Variants in GALNT13 observed in about 807,000 individuals in gnomAD.
GALNT13 encodes the protein polypeptide N-acetylgalactosaminyltransferase 13, also known as UDP-GalNAc:polypeptide N-acetylgalactosaminyltransferase 13.
Under a neutral mutation model 64.2 loss-of-function variants are expected in GALNT13, and 28 were observed. That is an observed-to-expected ratio of 0.44 (90% CI 0.32 to 0.60). The LOEUF (loss-of-function observed/expected upper bound fraction) is 0.60. GALNT13 is among the 20% of genes least tolerant of loss of function. The pLI is 0.05. For synonymous variants in GALNT13, 214 were observed against 224.6 expected, an observed-to-expected ratio of 0.95 and a Z score of 0.42; for missense variants, 577 against 669.8, an observed-to-expected ratio of 0.86 and a Z score of 1.53.
At chr2:153,733,022 ATATC>A in the GALNT13 span, among the ~76,000 whole-genome samples, 1 of 152,258 alleles carries the variant, frequency 6.6e-6, no homozygotes, top group African/African-American at 2.4e-5. Context: ...ATGAGGCAAC[ATATC>A]TAAGGATAAA....
At chr2:154,161,199 G>A (rs1684706362) in intron 4 of GALNT13, among the ~76,000 whole-genome samples, 1 of 152,182 alleles carries the variant, frequency 6.6e-6, no homozygotes, top group African/African-American at 2.4e-5. Context: ...GATTATAAAT[G>A]TGAGCATAAA....
the GALNT13 span, among the ~76,000 whole-genome samples, chr2:153,437,778 C>T: frequency 6.6e-6 from 1 of 152,138 alleles, no homozygotes; most frequent in Non-Finnish European, 1.5e-5. Flanking sequence ...GACTCTTTAT[C>T]CAATTTACCA....
intron 3 of GALNT13, among the ~76,000 whole-genome samples, chr2:154,116,230 C>T (rs560297225): frequency 5.3e-5 from 8 of 152,270 alleles, no homozygotes; most frequent in East Asian, 1.9e-4. Context: ...ACAAAGTCAG[C>T]GTTCCCAGCT....
At chr2:154,167,001 T>G (rs1326290806) in intron 4 of GALNT13, among the ~76,000 whole-genome samples, 4 of 151,838 alleles carry the variant, frequency 2.6e-5, no homozygotes, top group Non-Finnish European at 5.9e-5. Context: ...TGGGGAGGGA[T>G]AGCATTAGGA....
At chr2:154,193,809 G>A (rs1443054642) in intron 4 of GALNT13, among the ~76,000 whole-genome samples, 1 of 152,074 alleles carries the variant, frequency 6.6e-6, no homozygotes. Flanking sequence ...ATACTGTTTT[G>A]GGAAAATTAC....
At chr2:153,178,056 G>A in the GALNT13 span, among the ~76,000 whole-genome samples, 1 of 152,092 alleles carries the variant, frequency 6.6e-6, no homozygotes, top group African/African-American at 2.4e-5. Context: ...TCTTTTTAAA[G>A]ACTGAATGGT....
chr2:153,427,210 A>C, the GALNT13 span, among the ~76,000 whole-genome samples: 4 of 152,046 alleles, frequency 2.6e-5, no homozygotes, highest in African/African-American at 9.7e-5. Context: ...CATGGAAGCT[A>C]CAGTGTAATC....
the GALNT13 span, among the ~76,000 whole-genome samples, chr2:153,668,766 C>T: frequency 1.3e-5 from 2 of 152,144 alleles, no homozygotes; most frequent in Non-Finnish European, 2.9e-5. Context: ...ACCCTAGGAT[C>T]CCCACACACT....
At chr2:153,578,210 T>C in the GALNT13 span, among the ~76,000 whole-genome samples, 1 of 152,172 alleles carries the variant, frequency 6.6e-6, no homozygotes, top group African/African-American at 2.4e-5. Flanking sequence ...TCTCTAACTA[T>C]GTCAATAAAA....
intron 3 of GALNT13, among the ~76,000 whole-genome samples, chr2:154,072,757 G>C (rs1352436012): frequency 6.6e-6 from 1 of 151,988 alleles, no homozygotes; most frequent in African/African-American, 2.4e-5. Flanking sequence ...ATTGATTAAT[G>C]ATACTGTGAT....
intron 7 of GALNT13, 43 bp from the exon 8 acceptor site, chr2:154,258,978 G>A (rs1357458320): frequency 3.9e-6 from 4 of 1,036,216 alleles, no homozygotes; most frequent in Non-Finnish European, 6.1e-6. Context: ...TCCATACATT[G>A]TTTTCAAAAG....
chr2:153,404,460 T>C, the GALNT13 span, among the ~76,000 whole-genome samples: 133 of 152,354 alleles, frequency 8.7e-4, 1 homozygote, highest in Admixed American at 5.6e-3. Flanking sequence ...GTATTTCCTG[T>C]TCTTTGCTGT....
At chr2:153,666,214 G>A in the GALNT13 span, among the ~76,000 whole-genome samples, 1 of 152,022 alleles carries the variant, frequency 6.6e-6, no homozygotes, top group Admixed American at 6.6e-5. Flanking sequence ...GCCCTCACCA[G>A]CACTCACCCA....
chr2:153,573,216 A>C, the GALNT13 span, among the ~76,000 whole-genome samples: 1 of 151,856 alleles, frequency 6.6e-6, no homozygotes, highest in Non-Finnish European at 1.5e-5. Context: ...CTCTTCTTAT[A>C]GTTTTTGTCT....
At chr2:153,306,961 C>T in the GALNT13 span, among the ~76,000 whole-genome samples, 1 of 152,160 alleles carries the variant, frequency 6.6e-6, no homozygotes, top group Admixed American at 6.5e-5. Flanking sequence ...GTCTTGAACG[C>T]CTGGCCTAAA....
chr2:154,318,261 A>G (rs1694431980), intron 9 of GALNT13, among the ~76,000 whole-genome samples: 2 of 152,212 alleles, frequency 1.3e-5, no homozygotes, highest in African/African-American at 4.8e-5. Context: ...ACCTCAAAGT[A>G]TCTGCAAACA....
intron 1 of GALNT13, among the ~76,000 whole-genome samples, chr2:153,881,945 G>C (rs1686813031): frequency 6.6e-6 from 1 of 152,046 alleles, no homozygotes; most frequent in Admixed American, 6.5e-5. Flanking sequence ...ACATGCAATA[G>C]TGTAATAATT....
the GALNT13 span, among the ~76,000 whole-genome samples, chr2:153,469,209 C>T: frequency 6.6e-6 from 1 of 152,226 alleles, no homozygotes; most frequent in South Asian, 2.1e-4. Context: ...GTTGCAAACA[C>T]AGAGATGCTT....
the GALNT13 span, among the ~76,000 whole-genome samples, chr2:153,681,028 A>G: frequency 6.6e-6 from 1 of 151,938 alleles, no homozygotes; most frequent in African/African-American, 2.4e-5. Context: ...ACAAGGTTAT[A>G]GAGAAGTCCT....
Sources: allele counts gnomAD v4.1 joint callset (sites outside exome capture counted in the v4.1 genomes callset), GRCh38; gene constraint gnomAD v4.1.1; transcripts MANE v1.5; gene names NCBI Gene and HGNC (gene_info 2026-07-23, HGNC 2026-07-21).